The following IL1RL1 variants were observed in gnomAD, a reference collection of about 807,000 sequenced individuals.
The protein encoded by IL1RL1 is interleukin-1 receptor-like 1.
Under a neutral mutation model 50.9 loss-of-function variants are expected in IL1RL1, and 32 were observed. That is an observed-to-expected ratio of 0.63 (90% confidence interval 0.47 to 0.84). IL1RL1 has a LOEUF of 0.84. Among genes scored for constraint, IL1RL1 ranks in the 40% least tolerant of loss-of-function variants. The pLI, the probability that IL1RL1 is intolerant of heterozygous loss-of-function variation, is 0.00. For missense variants in IL1RL1, 773 were observed against 662.9 expected, an observed-to-expected ratio of 1.17 and a Z score of -1.82; for synonymous variants, 275 against 236.0, an observed-to-expected ratio of 1.17 and a Z score of -1.51.
At chr2:102,325,636 C>G (rs1223085223) in intron 1 of IL1RL1, among the ~76,000 whole-genome samples, 1 of 152,118 alleles carries the variant, frequency 6.6e-6, no homozygotes, top group Non-Finnish European at 1.5e-5. Flanking sequence ...ACTAGAATAA[C>G]CAATGCAGAG....
rs950696051 is a variant in IL1RL1 at position 102,345,132 on chromosome 2, G to C, written c.970+1717G>C. On this transcript the variant is annotated intron_variant, in intron 8 of 10. Coordinates refer to ENST00000233954, the MANE Select transcript of IL1RL1 (RefSeq NM_016232.5). ...ACAGAGTTTTCAAAACAGTGATAAA[G>C]CTGTCTACAAGTCATTGTGCTTTTT... is the stretch of plus-strand genomic sequence containing the variant. 9.2e-6 allele frequency: 8 copies of C among 871,768 alleles called. No homozygotes were observed. In the African/African-American group the frequency reaches 1.5e-4, roughly 16 times the overall value. 54.0% of individuals were successfully genotyped at this position (871,768 alleles called of 1,614,324 possible). A position where few individuals can be genotyped will look rare whatever the true frequency, so the allele number is the denominator to read the frequency against.
rs151123392 is a variant in IL1RL1, at chr2:102,333,170, CAGAGTGTCTGTTTT to C, written c.-149-4943_-149-4930del. ...TTGACCTAGGTTCTAACAGAATCTC[CAGAGTGTCTGTTTT>C]AGGAATATACTTAAGAGGGTACAAG... On this transcript the variant is annotated intron_variant, in intron 1 of 10. Transcript: ENST00000233954. 4.6e-3 allele frequency among the ~76,000 whole-genome samples: 696 copies of C among 152,174 alleles called. 9 individuals are homozygous for C. Among genetic ancestry groups the C allele is most frequent in the African/African-American group, 0.016 (664 of 41,510 alleles).
At chr2:102,326,928 A>C (rs1019869084) in intron 1 of IL1RL1, among the ~76,000 whole-genome samples, 20 of 152,188 alleles carry the variant, frequency 1.3e-4, no homozygotes, top group Admixed American at 2.0e-4. Context: ...CCCCACTGGA[A>C]ACATTAGACA....
intron 6 of IL1RL1, among the ~76,000 whole-genome samples, 158 bp downstream of exon 6, chr2:102,342,452 G>A (rs1677607417): frequency 6.6e-6 from 1 of 152,104 alleles, no homozygotes; most frequent in African/African-American, 2.4e-5. Context: ...CCAAGCATTT[G>A]CTAATATTGG....
intron 8 of IL1RL1, chr2:102,344,399 G>A (rs1209130437): frequency 2.2e-5 from 21 of 950,830 alleles, no homozygotes; most frequent in Middle Eastern, 5.3e-4. Context: ...TGGAACACAC[G>A]GGAAGTCTGG....
At chr2:102,331,720 T>C (rs760436072) in intron 1 of IL1RL1, among the ~76,000 whole-genome samples, 2 of 152,214 alleles carry the variant, frequency 1.3e-5, no homozygotes, top group Non-Finnish European at 1.5e-5. Flanking sequence ...ATAAAAGCTT[T>C]ATTTTTTGAA....
At chr2:102,345,831 C>T in intron 8 of IL1RL1, 1 of 985,454 alleles carries the variant, frequency 1.0e-6, no homozygotes, top group Non-Finnish European at 1.2e-6. Context: ...ATGTGAGGGC[C>T]ATGCTTGGGG....
chr2:102,320,792 C>T (rs563586064), intron 1 of IL1RL1, among the ~76,000 whole-genome samples: 8 of 152,296 alleles, frequency 5.3e-5, no homozygotes, highest in African/African-American at 1.4e-4. Flanking sequence ...ACTTCCCCGC[C>T]CTGGTCATAG....
intron 1 of IL1RL1, among the ~76,000 whole-genome samples, chr2:102,334,084 T>A (rs1476484522): frequency 6.6e-6 from 1 of 152,188 alleles, no homozygotes; most frequent in African/African-American, 2.4e-5. Context: ...TACACTAATT[T>A]CTTTTCCTTA....
chr2:102,333,958 A>G (rs906040032), intron 1 of IL1RL1, among the ~76,000 whole-genome samples: 1 of 152,176 alleles, frequency 6.6e-6, no homozygotes, highest in Non-Finnish European at 1.5e-5. Flanking sequence ...GCATAGGTAC[A>G]ACATTTTCTT....
At position 102,338,349 on chromosome 2, in the gene IL1RL1, A is replaced by T. The variant is rs772389420; in HGVS notation, c.61+24A>T. 7 of 1,357,262 alleles carry T rather than the reference A, an allele frequency of 5.2e-6. No individual in the cohort carries two copies. In the Admixed American group the frequency reaches 9.8e-5, roughly 19 times the overall value. The allele number at this position is 1,357,262 out of a possible 1,614,324, so 84.1% of individuals were successfully genotyped here. A position where few individuals can be genotyped will look rare whatever the true frequency, so the allele number is the denominator to read the frequency against. ...TAGTAAGTATTGCCTTCTAAGTATA[A>T]TTTAAATTTTTATAAATTAAATAAT... On this transcript the variant is annotated intron_variant, in intron 2 of 10. Coordinates refer to ENST00000233954, the MANE Select transcript of IL1RL1 (RefSeq NM_016232.5).
intron 1 of IL1RL1, among the ~76,000 whole-genome samples, chr2:102,328,951 C>A (rs1411826134): frequency 6.6e-6 from 1 of 152,164 alleles, no homozygotes; most frequent in Non-Finnish European, 1.5e-5. Flanking sequence ...CCCCATCAAG[C>A]TACCAATGAC....
chr2:102,349,143 C>T lies in IL1RL1; in HGVS notation c.1182C>T (p.Ala394=). ...PRNYKSSTDG[A]SRVEHFVHQI... is the part of the protein sequence containing the mutation. ...ACTACAAATCCAGTACAGATGGGGC[C>T]AGTCGTGTAGAGCACTTTGTTCACC... Residue 394 remains alanine (A), a synonymous_variant, in exon 10 of 11, where the codon GCC becomes GCT. Coordinates refer to ENST00000233954, the MANE Select transcript of IL1RL1 (RefSeq NM_016232.5). 2.5e-6 allele frequency: 4 copies of T among 1,613,048 alleles called. No homozygotes were observed. Among genetic ancestry groups the T allele is most frequent in the Non-Finnish European group, 3.4e-6 (4 of 1,179,068 alleles).
At chr2:102,346,703 T>C (rs1677795458) in intron 8 of IL1RL1, among the ~76,000 whole-genome samples, 1 of 152,220 alleles carries the variant, frequency 6.6e-6, no homozygotes, top group South Asian at 2.1e-4. Context: ...GTAAGCTCTT[T>C]GTCAATTTTC....
At chr2:102,341,557 C>A (rs1677565544) in intron 5 of IL1RL1, among the ~76,000 whole-genome samples, 2 of 152,116 alleles carry the variant, frequency 1.3e-5, no homozygotes, top group South Asian at 4.1e-4. Flanking sequence ...ATATTGGAGA[C>A]AAATTTTTGG....
rs75452014 is a variant in IL1RL1, at chr2:102,314,862, G to A, written c.-150+3239G>A. Among the ~76,000 whole-genome samples, 1,161 of 152,254 alleles carry A rather than the reference G, an allele frequency of 7.6e-3. 12 individuals are homozygous for A. Among genetic ancestry groups the A allele is most frequent in the Non-Finnish European group, 0.012 (845 of 68,016 alleles). ...TATAGGATAGTTCCTGGGCTCCAGG[G>A]GGCTATATGCAGTACTGATAATGCC... On this transcript the variant is annotated intron_variant, in intron 1 of 10. Transcript: ENST00000233954.
intron 1 of IL1RL1, among the ~76,000 whole-genome samples, chr2:102,328,158 T>C (rs901782356): frequency 5.3e-5 from 8 of 152,174 alleles, no homozygotes; most frequent in Non-Finnish European, 1.2e-4. Flanking sequence ...TTATCCACCA[T>C]GATCAAGTGG....
intron 1 of IL1RL1, among the ~76,000 whole-genome samples, chr2:102,326,326 C>A (rs1676996979): frequency 1.3e-5 from 2 of 152,166 alleles, no homozygotes; most frequent in South Asian, 4.1e-4. Flanking sequence ...ACCACCAGGC[C>A]TGCCCTACAA....
chr2:102,347,905 T>A, intron 8 of IL1RL1, 40 bp from the exon 9 acceptor site: 1 of 1,211,708 alleles, frequency 8.3e-7, no homozygotes, highest in Non-Finnish European at 1.2e-6. Context: ...TTATATCTTG[T>A]TTCAGTAGTA....
Sources: allele counts gnomAD v4.1 joint callset (sites outside exome capture counted in the v4.1 genomes callset), GRCh38; gene constraint gnomAD v4.1.1; transcripts MANE v1.5; gene names NCBI Gene and HGNC (gene_info 2026-07-23, HGNC 2026-07-21).